The following SLC35F4 variants were observed in gnomAD, a reference collection of about 807,000 sequenced individuals.
SLC35F4 encodes the protein solute carrier family 35 member F4, also known as chromosome 14 open reading frame 36.
SLC35F4 carries 24 observed loss-of-function variants against 44.2 expected under a neutral mutation model. The observed-to-expected ratio is 0.54, with a 90% CI of 0.39 to 0.76. SLC35F4 has a LOEUF of 0.76. Ranked by LOEUF, SLC35F4 falls within the 30% of genes least tolerant of loss-of-function variation. SLC35F4 has a pLI of 0.00. For missense variants in SLC35F4, 562 were observed against 586.1 expected (o/e 0.96, Z 0.42); for synonymous variants, 238 against 223.6 (o/e 1.06, Z -0.57).
intron 1 of SLC35F4, among the ~76,000 whole-genome samples, chr14:57,725,647 C>T (rs2076184174): frequency 6.6e-6 from 1 of 152,162 alleles, no homozygotes; most frequent in Non-Finnish European, 1.5e-5. Context: ...TATCATGTTG[C>T]CCATCATCCT....
chr14:57,580,794 TATTA>T (rs1566639292), intron 4 of SLC35F4, among the ~76,000 whole-genome samples: 1 of 152,066 alleles, frequency 6.6e-6, no homozygotes, highest in Admixed American at 6.6e-5. Context: ...CTTACACCAA[TATTA>T]ATTAAGTCCA....
Position 57,950,675 on chromosome 14 carries a change from C to CTTTTT in SLC35F4, n.282+31233_282+31237dup, listed in dbSNP as rs59027196. On this transcript the variant is annotated intron_variant and non_coding_transcript_variant, in intron 1 of 1. Coordinates refer to the SLC35F4 transcript ENST00000556568. The stretch of plus-strand genomic sequence containing the variant: ...GACTCTTTGTTTCTTTTCTTTCTTT[C>CTTTTT]TTTTTTTTTTTTGAGACAGAGTCTT... Among the ~76,000 whole-genome samples the CTTTTT allele has an allele frequency of 5.5e-5, 7 of 127,164 alleles. 3 individuals carry two copies. Among genetic ancestry groups the CTTTTT allele is most frequent in the Non-Finnish European group, 9.6e-5 (6 of 62,800 alleles). The allele number at this position is 127,164 out of a possible 152,430, so 83.4% of individuals were successfully genotyped here. A position where few individuals can be genotyped will look rare whatever the true frequency, so the allele number is the denominator to read the frequency against.
intron 1 of SLC35F4, among the ~76,000 whole-genome samples, chr14:57,842,232 T>A (rs1344782113): frequency 1.3e-5 from 2 of 152,194 alleles, no homozygotes; most frequent in Non-Finnish European, 2.9e-5. Context: ...TCAGTTCCCA[T>A]CATATATCAG....
At chr14:57,622,816 TAATAAAAAAATAAAAAATAAA>T (rs1232218331) in intron 1 of SLC35F4, among the ~76,000 whole-genome samples, 1 of 151,182 alleles carries the variant, frequency 6.6e-6, no homozygotes, top group Non-Finnish European at 1.5e-5. Context: ...ACTTAAAGTA[TAATAAAAAAATAAAAAATAAA>T]AATAAAAAAA....
intron 1 of SLC35F4, among the ~76,000 whole-genome samples, chr14:57,666,985 T>C (rs1161854301): frequency 2.0e-5 from 3 of 151,306 alleles, no homozygotes; most frequent in Non-Finnish European, 1.5e-5. Context: ...GGCTACAATT[T>C]GAGCTATGAA....
chr14:57,720,981 T>C (rs1252758288), intron 1 of SLC35F4, among the ~76,000 whole-genome samples: 1 of 90,234 alleles, frequency 1.1e-5, no homozygotes, highest in African/African-American at 5.8e-5. Context: ...AAACTCCTCA[T>C]ATATATATAT....
chr14:57,811,808 T>C (rs1292767885), intron 1 of SLC35F4, among the ~76,000 whole-genome samples: 2 of 152,086 alleles, frequency 1.3e-5, no homozygotes, highest in African/African-American at 4.8e-5. Context: ...AGTGAGACCC[T>C]GTTTTTACAA....
chr14:57,632,621 C>T (rs1429906703), intron 1 of SLC35F4, among the ~76,000 whole-genome samples: 1 of 152,084 alleles, frequency 6.6e-6, no homozygotes, highest in Non-Finnish European at 1.5e-5. Context: ...ACATTGGTTA[C>T]AACTGATGAA....
intron 1 of SLC35F4, among the ~76,000 whole-genome samples, chr14:57,794,873 A>T (rs1319982178): frequency 6.6e-6 from 1 of 152,160 alleles, no homozygotes; most frequent in Non-Finnish European, 1.5e-5. Flanking sequence ...TGAGCATTCA[A>T]CTATTATATG....
intron 1 of SLC35F4, among the ~76,000 whole-genome samples, chr14:57,711,451 C>G (rs1212659005): frequency 6.6e-6 from 1 of 152,104 alleles, no homozygotes; most frequent in Non-Finnish European, 1.5e-5. Context: ...GTGGTTATGA[C>G]CGAGTTAAAC....
rs562985997 is a variant in SLC35F4, at chr14:57,874,139, C to T, written n.282+107774G>A. Among the ~76,000 whole-genome samples the T allele has an allele frequency of 6.4e-4, 97 of 152,298 alleles. 1 individual carries two copies. Among genetic ancestry groups the T allele is most frequent in the South Asian group, 2.9e-3 (14 of 4,826 alleles). ...GCTTGGACAGTCCCTACAAATGCATCTTCATCTGACTACTACTACTCCTCC... is the reference window on the plus strand; with the variant it reads ...GCTTGGACAGTCCCTACAAATGCATTTTCATCTGACTACTACTACTCCTCC... On this transcript the variant is annotated intron_variant and non_coding_transcript_variant, in intron 1 of 1. Transcript: ENST00000556568.
At chr14:57,752,251 C>T (rs2076901745) in intron 1 of SLC35F4, among the ~76,000 whole-genome samples, 1 of 152,044 alleles carries the variant, frequency 6.6e-6, no homozygotes, top group Non-Finnish European at 1.5e-5. Context: ...TTTTTCATAA[C>T]AATTCCCCAA....
At chr14:57,776,936 C>G (rs543694101) in intron 1 of SLC35F4, among the ~76,000 whole-genome samples, 1 of 152,198 alleles carries the variant, frequency 6.6e-6, no homozygotes, top group South Asian at 2.1e-4. Flanking sequence ...TACAAGAGCT[C>G]CTGAAAGAAG....
chr14:57,788,353 G>C (rs535716155), intron 1 of SLC35F4, among the ~76,000 whole-genome samples: 8 of 152,180 alleles, frequency 5.3e-5, no homozygotes, highest in African/African-American at 1.9e-4. Flanking sequence ...GCACTAGACA[G>C]GTCATCAAGA....
intron 1 of SLC35F4, among the ~76,000 whole-genome samples, chr14:57,954,254 A>G (rs2141082882): frequency 6.6e-6 from 1 of 152,338 alleles, no homozygotes; most frequent in South Asian, 2.1e-4. Flanking sequence ...ACATACCAGA[A>G]TCACTGGGAC....
intron 1 of SLC35F4, among the ~76,000 whole-genome samples, chr14:57,600,687 A>G (rs11847202): frequency 0.65 from 55,640 of 85,296 alleles, 18,377 homozygotes; most frequent in Non-Finnish European, 0.73. Context: ...GCAAGACTCC[A>G]TCTCAAAAAA....
chr14:57,684,717 G>T (rs1206496230), intron 1 of SLC35F4, among the ~76,000 whole-genome samples: 1 of 152,198 alleles, frequency 6.6e-6, no homozygotes, highest in Non-Finnish European at 1.5e-5. Flanking sequence ...AAATGCATCT[G>T]TGGGTTGAGT....
At chr14:57,908,738 G>C (rs1446349384) in intron 1 of SLC35F4, among the ~76,000 whole-genome samples, 3 of 152,140 alleles carry the variant, frequency 2.0e-5, no homozygotes, top group African/African-American at 2.4e-5. Flanking sequence ...TAGGTTGCCT[G>C]CTCACTCTAA....
chr14:57,729,679 G>C (rs1037328626), intron 1 of SLC35F4, among the ~76,000 whole-genome samples: 6 of 152,074 alleles, frequency 3.9e-5, no homozygotes, highest in Non-Finnish European at 7.4e-5. Context: ...CTGGGGGAGG[G>C]ATGCACAAGC....
Sources: gnomAD v4.1 joint callset for allele counts (sites outside exome capture counted in the v4.1 genomes callset) on GRCh38, gnomAD v4.1.1 for gene constraint, MANE v1.5 for transcripts, NCBI Gene and HGNC (gene_info 2026-07-23, HGNC 2026-07-21) for gene names.